The following TBCB variants were observed in gnomAD, a reference collection of about 807,000 sequenced individuals.
TBCB encodes tubulin folding cofactor B, also known as tubulin-folding cofactor B.
TBCB carries 18 observed loss-of-function variants against 29.2 expected under a neutral mutation model. The ratio of observed to expected loss-of-function variants is 0.62; its 90% CI spans 0.43 to 0.91. TBCB has a LOEUF of 0.91. Among genes scored for constraint, TBCB ranks in the 40% least tolerant of loss-of-function variants. The probability of loss-of-function intolerance (pLI) is 0.00; values close to 1 mark genes in which losing one functional copy is unlikely to be tolerated. For missense variants in TBCB, 336 were observed against 337.6 expected (o/e 1.00, Z 0.04); for synonymous variants, 172 against 137.8 (o/e 1.25, Z -1.74).
Position 36,117,717 on chromosome 19 carries a change from C to G in TBCB, c.258+1533C>G, listed in dbSNP as rs989927819. On this transcript the variant is annotated intron_variant, in intron 2 of 5. Transcript: ENST00000221855. Reference sequence around the variant, plus strand: ...AAGACCACAAGGATAATGTAATTATCCCCATTTTGCAGAAGAGAAAATTTA... The same window carrying G: ...AAGACCACAAGGATAATGTAATTATGCCCATTTTGCAGAAGAGAAAATTTA... 5 of 151,980 alleles carry G rather than the reference C, an allele frequency of 3.3e-5. No individual in the cohort carries two copies. The East Asian group carries it at 9.6e-4, about 29-fold the overall frequency. 9.4% of individuals were successfully genotyped at this position (151,980 alleles called of 1,614,324 possible). A position where few individuals can be genotyped will look rare whatever the true frequency, so the allele number is the denominator to read the frequency against.
intron 4 of TBCB, among the ~76,000 whole-genome samples, chr19:36,123,254 C>CTTTTTTTT (rs201890657): frequency 6.1e-5 from 8 of 131,446 alleles, no homozygotes; most frequent in Non-Finnish European, 8.0e-5. Context: ...GAACCTTCTT[C>CTTTTTTTT]TTTTTTTTTT....
At chr19:36,116,500 A>G in intron 2 of TBCB, 1 of 287,134 alleles carries the variant, frequency 3.5e-6, no homozygotes, top group Non-Finnish European at 6.7e-6. Context: ...TAAGAGAAAG[A>G]GGTGGAAAGG....
intron 2 of TBCB, among the ~76,000 whole-genome samples, chr19:36,119,893 CAAAA>C (rs574254238): frequency 1.6e-5 from 2 of 122,212 alleles, no homozygotes; most frequent in African/African-American, 6.1e-5. Context: ...GAGACTCCGT[CAAAA>C]AAAAAAAAAA....
chr19:36,123,968 G>T (rs1321610590), intron 4 of TBCB, among the ~76,000 whole-genome samples: 4 of 152,178 alleles, frequency 2.6e-5, no homozygotes, highest in African/African-American at 7.2e-5. Context: ...CACTGTGCTT[G>T]ACTTTTTTGA....
At chr19:36,120,221 T>C (rs1248520132) in intron 2 of TBCB, among the ~76,000 whole-genome samples, 1 of 152,184 alleles carries the variant, frequency 6.6e-6, no homozygotes, top group Non-Finnish European at 1.5e-5. Context: ...GCAGAGTGCG[T>C]CTGTGTTTAC....
rs891559408 is a variant in TBCB at position 36,115,488 on chromosome 19, A to G, written c.-73A>G. On this transcript the variant is annotated 5_prime_UTR_variant, in exon 1 of 6. Transcript: ENST00000221855. ...GCGGGGCTGATAGCCCAGCAGCAGC[A>G]GCGGCGGCGGCGGCTGCGGAGCGGG... is the stretch of plus-strand genomic sequence containing the variant. 4.5e-5 allele frequency: 52 copies of G among 1,148,856 alleles called. No individual in the cohort carries two copies. Among genetic ancestry groups the G allele is most frequent in the Middle Eastern group, 2.6e-4 (1 of 3,818 alleles). 71.2% of individuals were successfully genotyped at this position (1,148,856 alleles called of 1,614,324 possible). A position where few individuals can be genotyped will look rare whatever the true frequency, so the allele number is the denominator to read the frequency against.
chr19:36,120,006 A>G, intron 2 of TBCB, among the ~76,000 whole-genome samples: 1 of 150,792 alleles, frequency 6.6e-6, no homozygotes, highest in Non-Finnish European at 1.5e-5. Context: ...GGACATTTCT[A>G]CCTCTGGCCG....
rs756266441 is a variant in TBCB, at chr19:36,115,574, G to A, written c.14G>A (p.Gly5Glu). MEVT[G>E]VSAPTVTVFI... ...GGGCGCGGCAAGATGGAGGTGACGG[G>A]GGTGTCGGCACCCACGGTGACCGTT... The change falls in exon 1 of 6, where the codon GGG (glycine) becomes GAG (glutamate). Residue 5 changes from glycine to glutamate, a missense_variant. Gly to Glu is a moderately conservative substitution (Grantham distance 98). Transcript: ENST00000221855. 1.2e-6 allele frequency: 2 copies of A among 1,608,720 alleles called. No individual in the cohort carries two copies. Among genetic ancestry groups the A allele is most frequent in the Non-Finnish European group, 1.7e-6 (2 of 1,177,938 alleles).
At chr19:36,122,048 A>G in intron 4 of TBCB, 1 of 421,344 alleles carries the variant, frequency 2.4e-6, no homozygotes, top group South Asian at 2.3e-5. Context: ...GGCAGGAGTG[A>G]GGGAACACAG....
rs556634287 is a variant in TBCB at position 36,116,279 on chromosome 19, A to T, written c.258+95A>T. Reference sequence around the variant, plus strand: ...GGCTTTGCCCTCAGTCATACCCGAGATAGGTCCTGCCTTCGTGGAGCCTCC... The same window carrying T: ...GGCTTTGCCCTCAGTCATACCCGAGTTAGGTCCTGCCTTCGTGGAGCCTCC... On this transcript the variant is annotated intron_variant, in intron 2 of 5. Transcript: ENST00000221855. The T allele has an allele frequency of 2.0e-6, 3 of 1,522,196 alleles. No homozygotes were observed. The Admixed American group carries it at 5.5e-5, about 28-fold the overall frequency. 94.3% of individuals were successfully genotyped at this position (1,522,196 alleles called of 1,614,324 possible).
At position 36,121,652 on chromosome 19, in the gene TBCB, G is replaced by T. The variant is rs916546415; in HGVS notation, c.481G>T (p.Val161Leu). 3.3e-5 allele frequency: 51 copies of T among 1,561,028 alleles called. No individual in the cohort carries two copies. Among genetic ancestry groups the T allele is most frequent in the Non-Finnish European group, 4.2e-5 (48 of 1,154,296 alleles). Residue 161 changes from valine to leucine, a missense_variant, in exon 4 of 6, where the codon GTG (valine) becomes TTG (leucine). Coordinates refer to ENST00000221855, the MANE Select transcript of TBCB (RefSeq NM_001281.3). ...EEKAQASSIP[V>L]GSRCEVRAAG... ...GAAGGCCCAGGCCAGCTCCATCCCC[G>T]TGGGCAGCCGCTGTGAGGTGCGGGC...
At chr19:36,115,992 G>T in intron 1 of TBCB, 49 bp from the exon 2 acceptor site, 1 of 1,596,270 alleles carries the variant, frequency 6.3e-7, no homozygotes, top group Non-Finnish European at 8.6e-7. Flanking sequence ...TGATGCAAGG[G>T]GCGGGGCCTC....
intron 3 of TBCB, among the ~76,000 whole-genome samples, chr19:36,121,012 A>G (rs2145908773): frequency 7.4e-6 from 1 of 135,844 alleles, no homozygotes; most frequent in East Asian, 2.4e-4. Context: ...TGTCAGGGGT[A>G]TGGGCAGTCA....
chr19:36,122,569 T>TCC (rs1974073292), intron 4 of TBCB, among the ~76,000 whole-genome samples: 1 of 51,808 alleles, frequency 1.9e-5, no homozygotes, highest in Non-Finnish European at 3.9e-5. Flanking sequence ...ACCCTGTCTC[T>TCC]ACAAAAAAAA....
rs757401505 is a variant in TBCB, at chr19:36,121,696, C to T, written c.525C>T (p.Arg175=). Reference sequence around the variant, plus strand: ...TGCGGGCGGCGGGACAATCCCCTCGCCGGGGCACCGTCATGTATGTAGGTG... The same window carrying T: ...TGCGGGCGGCGGGACAATCCCCTCGTCGGGGCACCGTCATGTATGTAGGTG... ...CEVRAAGQSP[R]RGTVMYVGLT... The change falls in exon 4 of 6, where the codon CGC becomes CGT. Residue 175 remains arginine (R), a synonymous_variant. Transcript: ENST00000221855. The T allele has an allele frequency of 2.6e-6, 4 of 1,552,722 alleles. No individual in the cohort carries two copies. The highest frequency in any genetic ancestry group is 2.6e-6 in the Non-Finnish European group (3 of 1,149,384).
At chr19:36,116,626 C>T (rs1234532919) in intron 2 of TBCB, 2 of 155,376 alleles carry the variant, frequency 1.3e-5, no homozygotes, top group South Asian at 1.8e-4. Flanking sequence ...CTCAGTACAT[C>T]CTTTCTGTCT....
rs746524119 is a variant in TBCB at position 36,115,629 on chromosome 19, C to T, written c.69C>T (p.Arg23=). Residue 23 remains arginine, a synonymous_variant, in exon 1 of 6, where the codon CGC becomes CGT. Transcript: ENST00000221855. The part of the protein sequence containing the change: ...VFISSSLNTF[R]SEKRYSRSLT... ...TCAGCAGCTCCCTCAACACCTTCCG[C>T]TCCGAGAAGCGATACAGCCGCAGCC... 2 of 1,608,534 alleles carry T rather than the reference C, an allele frequency of 1.2e-6. No individual in the cohort carries two copies. Among genetic ancestry groups the T allele is most frequent in the Admixed American group, 1.7e-5 (1 of 59,638 alleles).
At position 36,120,817 on chromosome 19, in the gene TBCB, G is replaced by A. The variant is rs1393256730; in HGVS notation, c.355+11G>A. The A allele has an allele frequency of 6.2e-7, 1 of 1,613,874 alleles. No individual in the cohort carries two copies. The highest frequency in any genetic ancestry group is 8.5e-7 in the Non-Finnish European group (1 of 1,179,902). On this transcript the variant is annotated intron_variant, in intron 3 of 5. Transcript: ENST00000221855. The stretch of plus-strand genomic sequence containing the variant: ...ACGACCAGAGGCAAGGTACGGGCAG[G>A]TGGGCGTCGAGGGGTGCGTGGGGGC...
rs1973935458 is a variant in TBCB, at chr19:36,115,626, C to T, written c.66C>T (p.Phe22=). Residue 22 remains phenylalanine, a synonymous_variant, in exon 1 of 6, where the codon TTC becomes TTT. Coordinates refer to ENST00000221855, the MANE Select transcript of TBCB (RefSeq NM_001281.3). ...TCATCAGCAGCTCCCTCAACACCTT[C>T]CGCTCCGAGAAGCGATACAGCCGCA... ...TVFISSSLNT[F]RSEKRYSRSL... The T allele has an allele frequency of 1.2e-6, 2 of 1,609,020 alleles. No individual in the cohort carries two copies. The highest frequency in any genetic ancestry group is 1.1e-5 in the South Asian group (1 of 90,102).
Sources: gnomAD v4.1 joint callset for allele counts (sites outside exome capture counted in the v4.1 genomes callset) on GRCh38, gnomAD v4.1.1 for gene constraint, MANE v1.5 for transcripts, NCBI Gene and HGNC (gene_info 2026-07-23, HGNC 2026-07-21) for gene names.